The following PHF21A variants were observed in gnomAD, a reference collection of about 807,000 sequenced individuals.
PHF21A encodes the protein BHC80a.
A neutral mutation model predicts 82.5 loss-of-function variants in PHF21A; 11 were observed. The ratio of observed to expected loss-of-function variants is 0.13; its 90% CI spans 0.08 to 0.22. PHF21A has a LOEUF of 0.22. Ranked by LOEUF, PHF21A falls within the 10% of genes least tolerant of loss-of-function variation. The probability of loss-of-function intolerance (pLI) is 1.00; values close to 1 mark genes in which losing one functional copy is unlikely to be tolerated. For missense variants in PHF21A, 579 were observed against 837.8 expected (o/e 0.69, Z 3.81); for synonymous variants, 297 against 302.8 (o/e 0.98, Z 0.20).
intron 6 of PHF21A, among the ~76,000 whole-genome samples, chr11:45,982,522 A>G (rs1161694755): frequency 2.0e-5 from 3 of 152,244 alleles, no homozygotes; most frequent in Non-Finnish European, 2.9e-5. Context: ...TCTCCAATAT[A>G]AAAGGCAGAA....
chr11:46,037,387 A>G (rs572199632), intron 6 of PHF21A, among the ~76,000 whole-genome samples: 17 of 152,210 alleles, frequency 1.1e-4, no homozygotes, highest in Non-Finnish European at 2.2e-4. Context: ...CATGCCTGTG[A>G]TCCCAGCACT....
chr11:46,011,184 G>A (rs1331114876), intron 6 of PHF21A, among the ~76,000 whole-genome samples: 1 of 152,094 alleles, frequency 6.6e-6, no homozygotes, highest in Non-Finnish European at 1.5e-5. Context: ...GCTAGTGGTA[G>A]GGTGTATAAA....
chr11:46,003,232 C>T (rs10769179), intron 6 of PHF21A, among the ~76,000 whole-genome samples: 50,163 of 150,746 alleles, frequency 0.33, 9,458 homozygotes, highest in East Asian at 0.8. Context: ...GTCCTAAAAA[C>T]TTTGTGCATA....
chr11:46,048,642 C>A (rs1267659563), intron 6 of PHF21A, among the ~76,000 whole-genome samples: 9 of 151,960 alleles, frequency 5.9e-5, no homozygotes, highest in Admixed American at 5.9e-4. Flanking sequence ...TGGTGGCATA[C>A]ACCTGTAATC....
chr11:46,059,945 T>C (rs1465784329), intron 6 of PHF21A, among the ~76,000 whole-genome samples: 3 of 152,166 alleles, frequency 2.0e-5, no homozygotes, highest in South Asian at 2.1e-4. Context: ...GTTTCGCCGA[T>C]GTTGGCCAGC....
At chr11:46,097,986 T>C (rs1192888136) in intron 1 of PHF21A, among the ~76,000 whole-genome samples, 1 of 152,168 alleles carries the variant, frequency 6.6e-6, no homozygotes, top group Non-Finnish European at 1.5e-5. Flanking sequence ...CATAGATCTG[T>C]ATTTAAGTTC....
intron 1 of PHF21A, chr11:46,119,743 G>GAAA: frequency 3.2e-5 from 1 of 31,698 alleles, no homozygotes; most frequent in Non-Finnish European, 7.9e-5. Flanking sequence ...CGTGGTCAGG[G>GAAA]GAAAAAAAAA....
At chr11:46,107,292 G>C (rs1264658761) in intron 1 of PHF21A, among the ~76,000 whole-genome samples, 1 of 152,074 alleles carries the variant, frequency 6.6e-6, no homozygotes, top group South Asian at 2.1e-4. Context: ...GGAAAACTAG[G>C]CTCTACCACT....
chr11:45,934,041 G>A lies in PHF21A; in HGVS notation c.1973C>T (p.Thr658Ile). 4.3e-6 allele frequency: 7 copies of A among 1,613,338 alleles called. No individual in the cohort carries two copies. Among genetic ancestry groups the A allele is most frequent in the Non-Finnish European group, 5.9e-6 (7 of 1,179,522 alleles). Residue 658 changes from threonine (T) to isoleucine (I), a missense_variant, in exon 19 of 19, where the codon ACC (threonine) becomes ATC (isoleucine). Coordinates refer to ENST00000676320, the MANE Select transcript of PHF21A (RefSeq NM_001352027.3). The part of the protein sequence containing the change: ...PDCTPPANAA[T>I]STPAPSPSSQ... ...GGAGGGGGAAGGGGCCGGCGTGGAG[G>A]TGGCGGCATTGGCAGGGGGGGTGCA...
intron 6 of PHF21A, among the ~76,000 whole-genome samples, chr11:46,031,617 G>A (rs1160543985): frequency 6.6e-6 from 1 of 152,180 alleles, no homozygotes; most frequent in African/African-American, 2.4e-5. Context: ...AGGCAGTTAT[G>A]TAATTTACAT....
At chr11:45,978,277 G>A (rs1188379083) in intron 7 of PHF21A, among the ~76,000 whole-genome samples, 1 of 151,946 alleles carries the variant, frequency 6.6e-6, no homozygotes, top group Non-Finnish European at 1.5e-5. Flanking sequence ...CTCCAGCCTG[G>A]GTGACACAGT....
intron 6 of PHF21A, among the ~76,000 whole-genome samples, chr11:46,023,731 G>A (rs748458906): frequency 1.3e-5 from 2 of 152,186 alleles, no homozygotes; most frequent in Admixed American, 6.5e-5. Context: ...AGAGGTGGGC[G>A]GATCGCCTGA....
At chr11:46,086,280 G>C (rs971739614) in intron 3 of PHF21A, among the ~76,000 whole-genome samples, 1 of 151,954 alleles carries the variant, frequency 6.6e-6, no homozygotes, top group African/African-American at 2.4e-5. Context: ...CACTACACCC[G>C]GCTAATTTTT....
intron 6 of PHF21A, among the ~76,000 whole-genome samples, chr11:46,058,644 C>T (rs1202448181): frequency 6.6e-6 from 1 of 152,262 alleles, no homozygotes; most frequent in East Asian, 1.9e-4. Flanking sequence ...AATTAGGTAA[C>T]ATAAAAGGCT....
At position 45,979,748 on chromosome 11, in the gene PHF21A, C is replaced by T. The variant is rs2094199784; in HGVS notation, c.360+12G>A. The T allele has an allele frequency of 1.9e-6, 3 of 1,613,182 alleles. No homozygotes were observed. Among genetic ancestry groups the T allele is most frequent in the African/African-American group, 1.3e-5 (1 of 74,910 alleles). Reference sequence around the variant, plus strand: ...CAATCTGCAGCCTGCAATGTTCCATCCACACATTTACCTGTGAAGCAGTCA... The same window carrying T: ...CAATCTGCAGCCTGCAATGTTCCATTCACACATTTACCTGTGAAGCAGTCA... On this transcript the variant is annotated intron_variant, in intron 7 of 18. Transcript: ENST00000676320.
chr11:46,050,154 T>G (rs1304567061), intron 6 of PHF21A, among the ~76,000 whole-genome samples: 1 of 152,274 alleles, frequency 6.6e-6, no homozygotes, highest in Middle Eastern at 3.2e-3. Flanking sequence ...AGATACTAGC[T>G]GTTGGGACAT....
chr11:45,971,999 C>T (rs1480452687), intron 7 of PHF21A, among the ~76,000 whole-genome samples: 1 of 150,250 alleles, frequency 6.7e-6, no homozygotes, highest in Non-Finnish European at 1.5e-5. Context: ...AGTCCCAAAG[C>T]TCCAGATAAT....
At position 45,969,803 on chromosome 11, in the gene PHF21A, T is replaced by C. The variant is rs1280112071; in HGVS notation, c.702+12A>G. Reference sequence around the variant, plus strand: ...TCTAACCTATCATTGAGCTTGTCATTGGTTTACTCACCTGTGGAAGAAAGT... The same window carrying C: ...TCTAACCTATCATTGAGCTTGTCATCGGTTTACTCACCTGTGGAAGAAAGT... On this transcript the variant is annotated intron_variant, in intron 9 of 18. Transcript: ENST00000676320. The C allele has an allele frequency of 6.4e-7, 1 of 1,567,632 alleles. No individual in the cohort carries two copies.
Position 45,938,271 on chromosome 11 carries a change from A to C in PHF21A, c.1494T>G (p.Ser498Arg), listed in dbSNP as rs1265702111. The C allele has an allele frequency of 6.2e-7, 1 of 1,611,768 alleles. No homozygotes were observed. The highest frequency in any genetic ancestry group is 1.1e-5 in the South Asian group (1 of 90,208). ...HEDFCSVCRKSGQLLMCDTCS... is the reference protein window; with the variant it reads ...HEDFCSVCRKRGQLLMCDTCS... ...ATGTGTCGCACATCAGTAACTGGCCACTTTTTCTGCAAACGCTGCAAAAAT... is the reference window on the plus strand; with the variant it reads ...ATGTGTCGCACATCAGTAACTGGCCCCTTTTTCTGCAAACGCTGCAAAAAT... The change falls in exon 16 of 19, where the codon AGT (serine) becomes AGG (arginine). Residue 498 changes from serine to arginine, a missense_variant. Coordinates refer to ENST00000676320, the MANE Select transcript of PHF21A (RefSeq NM_001352027.3).
Sources: gnomAD v4.1 joint callset for allele counts (sites outside exome capture counted in the v4.1 genomes callset) on GRCh38, gnomAD v4.1.1 for gene constraint, MANE v1.5 for transcripts, NCBI Gene and HGNC (gene_info 2026-07-23, HGNC 2026-07-21) for gene names.